The following RPH3A variants were observed in gnomAD, a reference collection of about 807,000 sequenced individuals.
RPH3A encodes the protein rabphilin 3A.
Under a neutral mutation model 102.2 loss-of-function variants are expected in RPH3A, and 48 were observed. The ratio of observed to expected loss-of-function variants is 0.47; its 90% CI spans 0.37 to 0.60. RPH3A has a LOEUF of 0.60. Among genes scored for constraint, RPH3A ranks in the 20% least tolerant of loss-of-function variants. RPH3A has a pLI of 0.00. For synonymous variants in RPH3A, 310 were observed against 324.3 expected, an observed-to-expected ratio of 0.96 and a Z score of 0.47; for missense variants, 781 against 910.1, an observed-to-expected ratio of 0.86 and a Z score of 1.83.
intron 1 of RPH3A, among the ~76,000 whole-genome samples, chr12:112,718,395 G>A (rs2040527902): frequency 6.6e-6 from 1 of 152,052 alleles, no homozygotes; most frequent in Non-Finnish European, 1.5e-5. Context: ...GAGAGGGAAA[G>A]AAAAATTTTC....
At chr12:112,649,709 C>T (rs561611217) in intron 1 of RPH3A, among the ~76,000 whole-genome samples, 1 of 152,304 alleles carries the variant, frequency 6.6e-6, no homozygotes, top group East Asian at 1.9e-4. Flanking sequence ...TTACGGCTGC[C>T]ATAACAAAAT....
intron 21 of RPH3A, among the ~76,000 whole-genome samples, 161 bp downstream of exon 21, chr12:112,896,034 TG>T (rs1183994088): frequency 6.6e-6 from 1 of 152,252 alleles, no homozygotes; most frequent in Non-Finnish European, 1.5e-5. Flanking sequence ...TGGTCCAATT[TG>T]GGGATGTCTT....
intron 8 of RPH3A, chr12:112,869,524 A>C: frequency 1.9e-6 from 1 of 525,300 alleles, no homozygotes; most frequent in Non-Finnish European, 3.4e-6. Flanking sequence ...AAGGCTGTAT[A>C]GCATAATTGT....
chr12:112,875,909 A>T (rs1205935537), intron 12 of RPH3A, among the ~76,000 whole-genome samples, 168 bp downstream of exon 12: 14 of 152,202 alleles, frequency 9.2e-5, no homozygotes, highest in Admixed American at 8.5e-4. Flanking sequence ...CCGTACTAAG[A>T]TTAGCTAGAT....
chr12:112,613,187 A>G (rs774506609), intron 1 of RPH3A, among the ~76,000 whole-genome samples: 2 of 152,122 alleles, frequency 1.3e-5, no homozygotes, highest in Non-Finnish European at 2.9e-5. Flanking sequence ...CAAGGACACA[A>G]ATCTGGTATG....
chr12:112,795,063 C>T (rs563286773), intron 2 of RPH3A, among the ~76,000 whole-genome samples: 46 of 152,330 alleles, frequency 3.0e-4, no homozygotes, highest in Middle Eastern at 3.4e-3. Flanking sequence ...CTTATTGCTC[C>T]GTACACAGAC....
At chr12:112,823,524 ATT>A (rs1264340218) in intron 2 of RPH3A, among the ~76,000 whole-genome samples, 1 of 152,224 alleles carries the variant, frequency 6.6e-6, no homozygotes, top group Non-Finnish European at 1.5e-5. Flanking sequence ...GGAAAAGAGA[ATT>A]ACCACTTTAC....
At position 112,802,958 on chromosome 12, in the gene RPH3A, A is replaced by T. The variant is rs542362744; in HGVS notation, c.-19+10695A>T. On this transcript the variant is annotated intron_variant, in intron 2 of 21. Transcript: ENST00000389385. ...TTTGTCCTGAACATGCTCAGAGGGT[A>T]AAAGCTCCAGCGGCTGGAAGTGGGA... Among the ~76,000 whole-genome samples, 4 of 152,336 alleles carry T rather than the reference A, an allele frequency of 2.6e-5. No homozygotes were observed. In the East Asian group the frequency reaches 7.7e-4, roughly 29 times the overall value.
intron 10 of RPH3A, chr12:112,874,801 CCA>C: frequency 2.5e-6 from 1 of 395,418 alleles, no homozygotes; most frequent in Non-Finnish European, 4.6e-6. Context: ...AAACTGAGGC[CCA>C]GAGAGGACAG....
chr12:112,838,910 G>T (rs939701247), intron 4 of RPH3A, among the ~76,000 whole-genome samples: 3 of 152,144 alleles, frequency 2.0e-5, no homozygotes, highest in Non-Finnish European at 1.5e-5. Flanking sequence ...GCCTTGGTGG[G>T]TGGCTTCATT....
chr12:112,789,940 T>C (rs1226727207), upstream of RPH3A, among the ~76,000 whole-genome samples: 2 of 149,274 alleles, frequency 1.3e-5, no homozygotes, highest in Non-Finnish European at 3.0e-5. Context: ...GCACCTTGAG[T>C]CCTAGCTACT....
chr12:112,866,172 T>G (rs2042608622), intron 6 of RPH3A, among the ~76,000 whole-genome samples: 1 of 152,202 alleles, frequency 6.6e-6, no homozygotes, highest in African/African-American at 2.4e-5. Flanking sequence ...ATCTCCAGCT[T>G]GATGTCACAT....
In RPH3A at chr12:112,834,390, C is replaced by T. The variant is rs112715974; in HGVS notation, c.72-2101C>T. 4.8e-3 allele frequency among the ~76,000 whole-genome samples: 732 copies of T among 152,284 alleles called. 7 individuals carry two copies. Among genetic ancestry groups the T allele is most frequent in the African/African-American group, 0.017 (687 of 41,550 alleles). On this transcript the variant is annotated intron_variant, in intron 3 of 21. Transcript: ENST00000389385. ...ATTTACTCATTTATCCGTTGATGGA[C>T]CATGGGTTTGGGCTAGTACAAATAA...
chr12:112,736,639 A>G (rs2040671672), intron 1 of RPH3A, among the ~76,000 whole-genome samples: 1 of 152,188 alleles, frequency 6.6e-6, no homozygotes, highest in African/African-American at 2.4e-5. Context: ...GTGCATATTA[A>G]ATGCCTTAAA....
rs1422469527 is a variant in RPH3A at position 112,897,617 on chromosome 12, A to G, written c.*837A>G. 6.6e-6 allele frequency: 1 copy of G among 152,232 alleles called. No homozygotes were observed. Among genetic ancestry groups the G allele is most frequent in the Non-Finnish European group, 1.5e-5 (1 of 68,116 alleles). The allele number at this position is 152,232 out of a possible 1,614,324, so 9.4% of individuals were successfully genotyped here. ...CTCTCTAAAGCAGTAACACCGCAAA[A>G]ACAACAGCAAAAAAAGTGTATGTTA... On this transcript the variant is annotated 3_prime_UTR_variant, in exon 22 of 22. Coordinates refer to ENST00000389385, the MANE Select transcript of RPH3A (RefSeq NM_001143854.2).
At chr12:112,676,910 G>A (rs2136013054) in intron 1 of RPH3A, among the ~76,000 whole-genome samples, 1 of 152,176 alleles carries the variant, frequency 6.6e-6, no homozygotes, top group East Asian at 1.9e-4. Context: ...GGAAGAATGA[G>A]GGGCAAGGTA....
chr12:112,865,402 C>T lies in RPH3A; in HGVS notation c.231-12C>T, dbSNP rs1257896551. ...CCTACAAGGTCCTTATTTACCTTGT[C>T]TCTGCTTCCAGACGCCTGGTGGACC... On this transcript the variant is annotated splice_polypyrimidine_tract_variant and intron_variant, in intron 5 of 21. Coordinates refer to ENST00000389385, the MANE Select transcript of RPH3A (RefSeq NM_001143854.2). The T allele has an allele frequency of 1.9e-6, 3 of 1,613,088 alleles. No homozygotes were observed. The highest frequency in any genetic ancestry group is 2.7e-5 in the African/African-American group (2 of 74,906).
chr12:112,787,889 T>C (rs1044096708), upstream of RPH3A, among the ~76,000 whole-genome samples: 1 of 152,228 alleles, frequency 6.6e-6, no homozygotes, highest in Non-Finnish European at 1.5e-5. Context: ...CTTACTGGGC[T>C]GCCTCTGCTC....
upstream of RPH3A, among the ~76,000 whole-genome samples, chr12:112,790,092 C>G (rs1407837046): frequency 6.6e-6 from 1 of 151,464 alleles, no homozygotes; most frequent in South Asian, 2.1e-4. Context: ...GTTTCACTCT[C>G]GTTGCCCAGG....
Sources: allele counts gnomAD v4.1 joint callset (sites outside exome capture counted in the v4.1 genomes callset), GRCh38; gene constraint gnomAD v4.1.1; transcripts MANE v1.5; gene names NCBI Gene and HGNC (gene_info 2026-07-23, HGNC 2026-07-21).